The following ARMC3 variants were observed in gnomAD, a reference collection of about 807,000 sequenced individuals.
The protein encoded by ARMC3 is armadillo repeat-containing protein 3.
A neutral mutation model predicts 90.3 loss-of-function variants in ARMC3; 74 were observed. The ratio of observed to expected loss-of-function variants is 0.82; its 90% confidence interval spans 0.68 to 0.99. The LOEUF is 0.99. Ranked by LOEUF, ARMC3 falls within the 50% of genes least tolerant of loss-of-function variation. ARMC3 has a pLI of 0.00. For synonymous variants in ARMC3, 334 were observed against 361.8 expected, an observed-to-expected ratio of 0.92 and a Z score of 0.87; for missense variants, 958 against 1,042.8, an observed-to-expected ratio of 0.92 and a Z score of 1.12.
Position 23,031,038 on chromosome 10 carries a change from G to C in ARMC3, c.2246+242G>C, listed in dbSNP as rs534499160. The C allele has an allele frequency of 1.2e-3, 491 of 419,204 alleles. 2 individuals are homozygous for C. Among genetic ancestry groups the C allele is most frequent in the Non-Finnish European group, 4.6e-4 (108 of 235,328 alleles). 26.0% of individuals were successfully genotyped at this position (419,204 alleles called of 1,614,324 possible). On this transcript the variant is annotated intron_variant, in intron 17 of 18. Coordinates refer to ENST00000298032, the MANE Select transcript of ARMC3 (RefSeq NM_173081.5). ...AGAAAAATGCCTGTCATTTTCTTCA[G>C]CTAGACCATGAAAAGCATCTTTCAA...
In ARMC3 at chr10:23,002,196, C is replaced by T. The variant is rs1468160543; in HGVS notation, c.1562+141C>T. 4.7e-6 allele frequency: 6 copies of T among 1,289,392 alleles called. No individual in the cohort carries two copies. The East Asian group carries it at 1.4e-4, about 29-fold the overall frequency. 79.9% of individuals were successfully genotyped at this position (1,289,392 alleles called of 1,614,324 possible). A position where few individuals can be genotyped will look rare whatever the true frequency, so the allele number is the denominator to read the frequency against. The stretch of plus-strand genomic sequence containing the variant: ...AAGCGCTGCATGTCCCCAGGGCGGG[C>T]CTTGGCTTGGAAGGAACCACCTGGA... On this transcript the variant is annotated intron_variant, in intron 12 of 18. Coordinates refer to ENST00000298032, the MANE Select transcript of ARMC3 (RefSeq NM_173081.5).
Position 22,998,334 on chromosome 10 carries a change from C to A in ARMC3, c.1362C>A (p.Val454=), listed in dbSNP as rs777334371. 5 of 1,613,782 alleles carry A rather than the reference C, an allele frequency of 3.1e-6. No individual in the cohort carries two copies. The South Asian group carries it at 5.5e-5, about 18-fold the overall frequency. ...IISPLRSANT[V]VQSKAALAVT... is the part of the protein sequence containing the mutation. ...GCCCACTGCGTTCTGCAAACACAGT[C>A]GTGCAGAGCAAAGCTGCTCTCGCTG... is the stretch of plus-strand genomic sequence containing the variant. The change falls in exon 11 of 19, where the codon GTC becomes GTA. Residue 454 remains valine, a synonymous_variant. Coordinates refer to ENST00000298032, the MANE Select transcript of ARMC3 (RefSeq NM_173081.5).
Position 23,037,865 on chromosome 10 carries a change from A to G in ARMC3, c.*386A>G, listed in dbSNP as rs560259485. The G allele has an allele frequency of 4.3e-5, 7 of 162,754 alleles. No individual in the cohort carries two copies. The East Asian group carries it at 8.8e-4, about 20-fold the overall frequency. The allele number at this position is 162,754 out of a possible 1,614,324, so 10.1% of individuals were successfully genotyped here. On this transcript the variant is annotated 3_prime_UTR_variant, in exon 19 of 19. Coordinates refer to ENST00000298032, the MANE Select transcript of ARMC3 (RefSeq NM_173081.5). ...CTTTCATGCCCAGAATGCTTCAGGC[A>G]TGCTCAGTTAAGCAAACTAAGTGAA...
intron 7 of ARMC3, among the ~76,000 whole-genome samples, chr10:22,962,455 C>G (rs1835240268): frequency 6.6e-6 from 1 of 152,130 alleles, no homozygotes; most frequent in East Asian, 1.9e-4. Flanking sequence ...TAATAAGCTC[C>G]TTAAGAATCA....
intron 3 of ARMC3, among the ~76,000 whole-genome samples, chr10:22,947,371 T>C (rs1834574390): frequency 6.6e-6 from 1 of 151,556 alleles, no homozygotes; most frequent in African/African-American, 2.4e-5. Flanking sequence ...ATAAGTCCTA[T>C]CAATATTAGG....
intron 10 of ARMC3, among the ~76,000 whole-genome samples, chr10:22,991,779 C>T (rs1488509616): frequency 6.6e-6 from 1 of 152,162 alleles, no homozygotes; most frequent in Non-Finnish European, 1.5e-5. Context: ...TAAACCAGTC[C>T]TGGCAAGCGC....
At chr10:23,025,762 T>G (rs1454485377) in intron 16 of ARMC3, among the ~76,000 whole-genome samples, 1 of 152,008 alleles carries the variant, frequency 6.6e-6, no homozygotes, top group Admixed American at 6.6e-5. Context: ...CAATGAAATT[T>G]AAAACAGAAA....
At chr10:22,985,359 G>A (rs1382807941) in intron 10 of ARMC3, among the ~76,000 whole-genome samples, 1 of 152,094 alleles carries the variant, frequency 6.6e-6, no homozygotes, top group African/African-American at 2.4e-5. Context: ...ATTCAGGGGG[G>A]CAGCTCCTTT....
At chr10:22,960,208 C>T (rs1835132334) in intron 6 of ARMC3, 1 of 165,098 alleles carries the variant, frequency 6.1e-6, no homozygotes, top group Non-Finnish European at 1.3e-5. Flanking sequence ...ACACTTTGAA[C>T]AGCCTTCTCT....
chr10:23,003,556 C>A, intron 13 of ARMC3, 142 bp downstream of exon 13: 1 of 757,542 alleles, frequency 1.3e-6, no homozygotes, highest in Non-Finnish European at 2.0e-6. Context: ...GCACTTCATT[C>A]TTAACTTTAG....
chr10:22,948,728 C>T (rs1201998729), intron 3 of ARMC3, among the ~76,000 whole-genome samples: 1 of 151,904 alleles, frequency 6.6e-6, no homozygotes, highest in Admixed American at 6.6e-5. Context: ...TTGGCCATAG[C>T]ACTGGAAAAG....
At chr10:23,014,856 A>C (rs1211526736) in intron 16 of ARMC3, among the ~76,000 whole-genome samples, 2 of 140,072 alleles carry the variant, frequency 1.4e-5, no homozygotes, top group Non-Finnish European at 3.0e-5. Context: ...AATGGGTACT[A>C]GGCTCAATAC....
intron 16 of ARMC3, among the ~76,000 whole-genome samples, chr10:23,011,270 T>TTATAAG (rs1838002044): frequency 6.6e-6 from 1 of 152,160 alleles, no homozygotes; most frequent in Admixed American, 6.6e-5. Context: ...AAAAGGTTAT[T>TTATAAG]TCTGACAAGT....
chr10:22,972,280 C>T (rs1835713366), intron 8 of ARMC3, among the ~76,000 whole-genome samples: 1 of 152,018 alleles, frequency 6.6e-6, no homozygotes, highest in African/African-American at 2.4e-5. Flanking sequence ...AAGCTTTTGC[C>T]CTATGTTTTC....
chr10:22,988,826 C>T (rs73600589), intron 10 of ARMC3, among the ~76,000 whole-genome samples: 57 of 152,278 alleles, frequency 3.7e-4, no homozygotes, highest in African/African-American at 1.4e-3. Context: ...ATAAGTAATC[C>T]TGTCATTGAG....
At chr10:22,938,470 C>A (rs2131151164) in intron 2 of ARMC3, among the ~76,000 whole-genome samples, 1 of 152,240 alleles carries the variant, frequency 6.6e-6, no homozygotes, top group South Asian at 2.1e-4. Context: ...GTTCTAGCTA[C>A]AATGTGGGAG....
intron 16 of ARMC3, among the ~76,000 whole-genome samples, chr10:23,029,407 T>C (rs1298395613): frequency 6.6e-6 from 1 of 152,186 alleles, no homozygotes; most frequent in Non-Finnish European, 1.5e-5. Context: ...CCAGCTTTTG[T>C]GACTGTATTC....
chr10:22,988,637 G>C (rs758174477), intron 10 of ARMC3, among the ~76,000 whole-genome samples: 2 of 152,140 alleles, frequency 1.3e-5, no homozygotes, highest in Admixed American at 6.5e-5. Flanking sequence ...TCATTTTGAA[G>C]GGGGGAAAAA....
chr10:22,929,380 T>A (rs142805449), intron 1 of ARMC3, among the ~76,000 whole-genome samples: 3 of 152,098 alleles, frequency 2.0e-5, no homozygotes, highest in Admixed American at 6.5e-5. Context: ...TGAGCTTATC[T>A]TTGGGTGATT....
Sources: gnomAD v4.1 joint callset for allele counts (sites outside exome capture counted in the v4.1 genomes callset) on GRCh38, gnomAD v4.1.1 for gene constraint, MANE v1.5 for transcripts, NCBI Gene and HGNC (gene_info 2026-07-23, HGNC 2026-07-21) for gene names.